Variants in FANCB observed in about 807,000 individuals in gnomAD.
FANCB encodes the protein Fanconi anemia group B protein.
FANCB carries 5 observed loss-of-function variants against 38.9 expected under a neutral mutation model. The observed-to-expected ratio is 0.13, with a 90% CI of 0.07 to 0.27. FANCB has a LOEUF of 0.27. Among genes scored for constraint, FANCB ranks in the 10% least tolerant of loss-of-function variants. The pLI, the probability that FANCB is intolerant of heterozygous loss-of-function variation, is 1.00. For synonymous variants in FANCB, 236 were observed against 215.4 expected (o/e 1.10, Z -0.84); for missense variants, 573 against 602.7 (o/e 0.95, Z 0.52).
chrX:14,693,018 T>G, the FANCB span, among the ~76,000 whole-genome samples: 2 of 106,492 alleles, frequency 1.9e-5, no homozygotes, highest in Non-Finnish European at 3.9e-5. Flanking sequence ...ATTGTGCACA[T>G]GTACCCTAAA....
the FANCB span, among the ~76,000 whole-genome samples, chrX:14,792,989 T>A: frequency 8.9e-6 from 1 of 112,275 alleles, no homozygotes; most frequent in African/African-American, 3.2e-5. Context: ...ATTCTACATT[T>A]CCAAATGAAT....
At chrX:14,753,898 A>T in the FANCB span, among the ~76,000 whole-genome samples, 6 of 112,239 alleles carry the variant, frequency 5.3e-5, no homozygotes, top group Non-Finnish European at 9.4e-5. Flanking sequence ...GAAATAAAAT[A>T]TTTTTTCAAG....
chrX:14,773,176 C>T, the FANCB span, among the ~76,000 whole-genome samples: 3 of 111,979 alleles, frequency 2.7e-5, no homozygotes, highest in Admixed American at 9.4e-5. Flanking sequence ...AATTTAGTAC[C>T]GCATATAGAA....
chrX:14,691,182 G>T, the FANCB span, among the ~76,000 whole-genome samples: 1 of 111,078 alleles, frequency 9.0e-6, no homozygotes, highest in African/African-American at 3.3e-5. Context: ...AAGTAACTGG[G>T]CTCCCTGTAT....
chrX:14,751,040 A>C, the FANCB span, among the ~76,000 whole-genome samples: 47 of 111,857 alleles, frequency 4.2e-4, no homozygotes, highest in Non-Finnish European at 8.8e-4. Flanking sequence ...TACTGTAATG[A>C]CATGGCAAGT....
the FANCB span, among the ~76,000 whole-genome samples, chrX:14,714,410 A>G: frequency 8.9e-6 from 1 of 111,798 alleles, no homozygotes; most frequent in African/African-American, 3.3e-5. Context: ...CCAAGTATCA[A>G]TATTCCTGCA....
chrX:14,833,400 C>G (rs1601968233), downstream of FANCB, among the ~76,000 whole-genome samples: 1 of 111,896 alleles, frequency 8.9e-6, no homozygotes, highest in African/African-American at 3.3e-5. Flanking sequence ...GCCCATGAAC[C>G]AGCAGAATCT....
chrX:14,871,823 A>ATTT (rs774037981), intron 1 of FANCB, among the ~76,000 whole-genome samples: 2 of 100,622 alleles, frequency 2.0e-5, no homozygotes, highest in Non-Finnish European at 4.0e-5. Context: ...GCCATGTACT[A>ATTT]TTTTTTTTTT....
chrX:14,787,275 T>C, the FANCB span, among the ~76,000 whole-genome samples: 1 of 110,214 alleles, frequency 9.1e-6, no homozygotes, highest in Non-Finnish European at 1.9e-5. Flanking sequence ...ATAAGTGAAA[T>C]AAGCCAGGCA....
At chrX:14,712,506 GA>G in the FANCB span, among the ~76,000 whole-genome samples, 1,815 of 101,272 alleles carry the variant, frequency 0.018, 41 homozygotes, top group African/African-American at 0.056. Context: ...ACTCTTAATT[GA>G]AAAAAAAAAA....
chrX:14,752,240 G>A, the FANCB span, among the ~76,000 whole-genome samples: 3 of 111,512 alleles, frequency 2.7e-5, no homozygotes, highest in Admixed American at 1.9e-4. Context: ...GTTTCCACAG[G>A]GGTAACTACA....
At chrX:14,738,496 C>T in the FANCB span, among the ~76,000 whole-genome samples, 1 of 111,897 alleles carries the variant, frequency 8.9e-6, no homozygotes, top group Non-Finnish European at 1.9e-5. Context: ...TTATTACTAT[C>T]GCTAGAAAAA....
chrX:14,790,310 A>G, the FANCB span, among the ~76,000 whole-genome samples: 12 of 112,268 alleles, frequency 1.1e-4, no homozygotes, highest in Non-Finnish European at 2.1e-4. Flanking sequence ...TTTCATTGTT[A>G]ACTAATGAAA....
intron 6 of FANCB, 57 bp from the exon 7 acceptor site, chrX:14,850,731 TAAA>T (rs753483507): frequency 8.8e-5 from 51 of 580,554 alleles, no homozygotes; most frequent in Non-Finnish European, 1.1e-4. Context: ...GTAGCAAAAC[TAAA>T]AAAAAAAAAA....
chrX:14,748,519 CTAAT>C, the FANCB span, among the ~76,000 whole-genome samples: 84 of 112,595 alleles, frequency 7.5e-4, no homozygotes, highest in Non-Finnish European at 1.4e-3. Flanking sequence ...TAATAGCTAA[CTAAT>C]ACACTCAGTA....
At chrX:14,783,605 T>A in the FANCB span, among the ~76,000 whole-genome samples, 1 of 112,269 alleles carries the variant, frequency 8.9e-6, no homozygotes, top group Non-Finnish European at 1.9e-5. Context: ...AGAAGGCTTA[T>A]ACAATGGAGG....
chrX:14,845,217 C>T lies in FANCB; in HGVS notation c.1566G>A (p.Lys522=), dbSNP rs2092371545. 8.3e-7 allele frequency: 1 copy of T among 1,208,939 alleles called. No homozygotes were observed. The highest frequency in any genetic ancestry group is 1.1e-6 in the Non-Finnish European group (1 of 893,263). ...TCAACTTAATCACCCTATTTTGACA[C>T]TTTAGAAGCCGAAATCTGGAGTCAT... The part of the protein sequence containing the change: ...QAHDSRFRLL[K]CQNRVIKLST... Residue 522 remains lysine (K), a synonymous_variant, in exon 8 of 10, where the codon AAG becomes AAA. Coordinates refer to ENST00000650831, the MANE Select transcript of FANCB (RefSeq NM_001018113.3).
chrX:14,813,874 C>G, the FANCB span, among the ~76,000 whole-genome samples: 1 of 111,625 alleles, frequency 9.0e-6, no homozygotes. Context: ...CCAAGACAAT[C>G]CTAAGCCAAA....
the FANCB span, among the ~76,000 whole-genome samples, chrX:14,785,988 G>GAGAGAGAAGTTAACTGC: frequency 8.9e-6 from 1 of 111,836 alleles, no homozygotes; most frequent in African/African-American, 3.3e-5. Context: ...CAGTTGAGCA[G>GAGAGAGAAGTTAACTGC]AGAGAGAAGT....
Sources: gnomAD v4.1 joint callset for allele counts (sites outside exome capture counted in the v4.1 genomes callset) on GRCh38, gnomAD v4.1.1 for gene constraint, MANE v1.5 for transcripts, NCBI Gene and HGNC (gene_info 2026-07-23, HGNC 2026-07-21) for gene names.